The following DSCAM variants were observed in gnomAD, a reference collection of about 807,000 sequenced individuals.
DSCAM encodes DS cell adhesion molecule.
In DSCAM, 47 loss-of-function variants were observed where a neutral mutation model predicts 217.7. That is an observed-to-expected ratio of 0.22 (90% CI 0.17 to 0.28). The LOEUF (loss-of-function observed/expected upper bound fraction) is 0.28, where lower values mean the gene tolerates loss of function less well. DSCAM is among the 10% of genes least tolerant of loss of function. The pLI is 1.00. For missense variants in DSCAM, 2,080 were observed against 2,618.3 expected (o/e 0.79, Z 4.49); for synonymous variants, 1,056 against 1,015.3 (o/e 1.04, Z -0.76).
intron 32 of DSCAM, among the ~76,000 whole-genome samples, chr21:40,027,199 T>C (rs922053807): frequency 2.0e-5 from 3 of 152,298 alleles, no homozygotes. Context: ...ATGTTGAATA[T>C]TGGCCCCCAC....
chr21:40,777,276 C>G (rs1293158402), intron 1 of DSCAM, among the ~76,000 whole-genome samples: 1 of 152,194 alleles, frequency 6.6e-6, no homozygotes, highest in Non-Finnish European at 1.5e-5. Flanking sequence ...AAGACTGCAC[C>G]TTTTACTACC....
chr21:40,079,983 G>A (rs1020816298), intron 25 of DSCAM, among the ~76,000 whole-genome samples, 169 bp downstream of exon 25: 1 of 152,032 alleles, frequency 6.6e-6, no homozygotes, highest in African/African-American at 2.4e-5. Flanking sequence ...GAACACTCTG[G>A]AAGGTCCAGC....
At chr21:40,684,893 A>G (rs183596344) in intron 3 of DSCAM, among the ~76,000 whole-genome samples, 132 of 152,340 alleles carry the variant, frequency 8.7e-4, no homozygotes, top group Non-Finnish European at 1.3e-3. Flanking sequence ...TGATTGACTT[A>G]GCTGGCCATC....
intron 11 of DSCAM, among the ~76,000 whole-genome samples, chr21:40,252,524 G>C (rs936844964): frequency 6.6e-6 from 1 of 152,062 alleles, no homozygotes; most frequent in African/African-American, 2.4e-5. Context: ...CATCTTTTGA[G>C]TGTTGGGATA....
At chr21:40,081,516 C>G (rs999700902) in intron 24 of DSCAM, among the ~76,000 whole-genome samples, 1 of 152,064 alleles carries the variant, frequency 6.6e-6, no homozygotes, top group Non-Finnish European at 1.5e-5. Flanking sequence ...CCTTCCTGAG[C>G]CTTTGTGTTC....
At chr21:40,693,156 TG>T (rs1387337431) in intron 2 of DSCAM, among the ~76,000 whole-genome samples, 200 bp from the exon 3 acceptor site, 1 of 152,168 alleles carries the variant, frequency 6.6e-6, no homozygotes, top group Non-Finnish European at 1.5e-5. Flanking sequence ...AATACATAGC[TG>T]GGTAAGGTGG....
At chr21:40,522,355 A>G (rs928935309) in intron 3 of DSCAM, among the ~76,000 whole-genome samples, 4 of 152,222 alleles carry the variant, frequency 2.6e-5, no homozygotes, top group African/African-American at 9.6e-5. Context: ...AATTCGTTCC[A>G]CTTGATTATA....
At chr21:40,139,218 TAG>T (rs754964990) in intron 18 of DSCAM, among the ~76,000 whole-genome samples, 1 of 151,540 alleles carries the variant, frequency 6.6e-6, no homozygotes, top group Non-Finnish European at 1.5e-5. Context: ...TCAGTTAATT[TAG>T]AAAGTTTATT....
chr21:40,154,170 TCTC>T (rs1373277433), intron 16 of DSCAM, among the ~76,000 whole-genome samples: 1 of 151,410 alleles, frequency 6.6e-6, no homozygotes, highest in African/African-American at 2.4e-5. Context: ...CTTTCTTTCC[TCTC>T]CTTTCTTCTT....
chr21:40,581,831 T>A lies in DSCAM; in HGVS notation c.508+110979A>T, dbSNP rs148134816. Among the ~76,000 whole-genome samples, 1,342 of 152,328 alleles carry A rather than the reference T, an allele frequency of 8.8e-3. 14 individuals carry two copies. Among genetic ancestry groups the A allele is most frequent in the Non-Finnish European group, 0.015 (1,027 of 68,014 alleles). Reference sequence around the variant, plus strand: ...TTAAAGCTATACAGTAACATTTTCATATAGAAGAATTTCTTTCTTTTAATT... The same window carrying A: ...TTAAAGCTATACAGTAACATTTTCAAATAGAAGAATTTCTTTCTTTTAATT... On this transcript the variant is annotated intron_variant, in intron 3 of 32. Coordinates refer to ENST00000400454, the MANE Select transcript of DSCAM (RefSeq NM_001389.5).
At chr21:40,613,510 C>G (rs774965310) in intron 3 of DSCAM, among the ~76,000 whole-genome samples, 9 of 152,134 alleles carry the variant, frequency 5.9e-5, no homozygotes, top group Non-Finnish European at 1.2e-4. Context: ...AGAGATTTCT[C>G]AGAAGTCTCT....
intron 14 of DSCAM, among the ~76,000 whole-genome samples, chr21:40,186,481 T>C (rs1237416237): frequency 1.3e-5 from 2 of 152,116 alleles, no homozygotes; most frequent in African/African-American, 4.8e-5. Context: ...CAATGCATCA[T>C]AAAGTTCAAA....
chr21:40,169,095 C>A (rs1338570768), intron 15 of DSCAM, among the ~76,000 whole-genome samples: 1 of 151,980 alleles, frequency 6.6e-6, no homozygotes, highest in Non-Finnish European at 1.5e-5. Flanking sequence ...AATGTCCTGG[C>A]AGAAACTGAA....
intron 1 of DSCAM, among the ~76,000 whole-genome samples, chr21:40,749,113 C>G (rs1454367365): frequency 8.6e-5 from 13 of 152,046 alleles, no homozygotes. Context: ...AGGACCATAA[C>G]TATGAAACTA....
At chr21:40,178,618 T>C (rs1292637343) in intron 15 of DSCAM, among the ~76,000 whole-genome samples, 1 of 152,152 alleles carries the variant, frequency 6.6e-6, no homozygotes, top group Non-Finnish European at 1.5e-5. Flanking sequence ...CTGGATTCCA[T>C]GTGTCCAAAC....
At position 40,376,683 on chromosome 21, in the gene DSCAM, CAT is replaced by C. The variant is rs1280031719; in HGVS notation, c.509-7440_509-7439del. On this transcript the variant is annotated intron_variant, in intron 3 of 32. Coordinates refer to ENST00000400454, the MANE Select transcript of DSCAM (RefSeq NM_001389.5). ...ATATCTTATATAGATATCTATATAT[CAT>C]ATATATCATATATATCTTATATAGA... 4.5e-3 allele frequency among the ~76,000 whole-genome samples: 206 copies of C among 45,346 alleles called. 4 individuals are homozygous for C. The highest frequency in any genetic ancestry group is 0.017 in the African/African-American group (193 of 11,184). 29.7% of individuals were successfully genotyped at this position (45,346 alleles called of 152,430 possible).
chr21:40,186,347 T>C (rs1214694859), intron 14 of DSCAM, among the ~76,000 whole-genome samples: 1 of 152,142 alleles, frequency 6.6e-6, no homozygotes, highest in Non-Finnish European at 1.5e-5. Context: ...TAAAGCTGCT[T>C]TTGCGGCCTA....
chr21:40,415,371 C>T (rs945057636), intron 3 of DSCAM, among the ~76,000 whole-genome samples: 11 of 152,214 alleles, frequency 7.2e-5, no homozygotes, highest in Admixed American at 3.3e-4. Flanking sequence ...GGTGGCACCA[C>T]TGTTAGACTG....
chr21:40,768,941 CAA>C (rs2091420387), intron 1 of DSCAM, among the ~76,000 whole-genome samples: 1 of 152,132 alleles, frequency 6.6e-6, no homozygotes, highest in South Asian at 2.1e-4. Context: ...GAAATTCACC[CAA>C]GAGGGGAGAT....
Sources: gnomAD v4.1 joint callset for allele counts (sites outside exome capture counted in the v4.1 genomes callset) on GRCh38, gnomAD v4.1.1 for gene constraint, MANE v1.5 for transcripts, NCBI Gene and HGNC (gene_info 2026-07-23, HGNC 2026-07-21) for gene names.